LIN52: variants seen among roughly 807,000 people sequenced by gnomAD.
LIN52 encodes protein lin-52 homolog.
LIN52 carries 4 observed loss-of-function variants against 18.5 expected under a neutral mutation model. The ratio of observed to expected loss-of-function variants is 0.22; its 90% CI spans 0.11 to 0.49. The LOEUF (loss-of-function observed/expected upper bound fraction) is 0.49. Ranked by LOEUF, LIN52 falls within the 20% of genes least tolerant of loss-of-function variation. LIN52 has a pLI of 0.97. For synonymous variants in LIN52, 34 were observed against 45.5 expected, an observed-to-expected ratio of 0.75 and a Z score of 1.02; for missense variants, 102 against 139.5, an observed-to-expected ratio of 0.73 and a Z score of 1.35.
At chr14:74,144,846 T>C (rs2061147291) in intron 5 of LIN52, among the ~76,000 whole-genome samples, 1 of 152,228 alleles carries the variant, frequency 6.6e-6, no homozygotes. Context: ...TAATTACAAA[T>C]AGAAATGTTA....
chr14:74,151,660 T>G (rs1163961312), intron 5 of LIN52, among the ~76,000 whole-genome samples: 1 of 152,138 alleles, frequency 6.6e-6, no homozygotes, highest in African/African-American at 2.4e-5. Context: ...GGGTTTTAAT[T>G]TTAAGGAATT....
intron 1 of LIN52, among the ~76,000 whole-genome samples, chr14:74,087,519 C>G (rs554134402): frequency 6.6e-6 from 1 of 151,296 alleles, no homozygotes; most frequent in African/African-American, 2.4e-5. Context: ...TCATCTCTTA[C>G]AAAGTTTCAC....
chr14:74,179,655 C>CA (rs66652238), intron 5 of LIN52, among the ~76,000 whole-genome samples: 51 of 120,376 alleles, frequency 4.2e-4, no homozygotes, highest in East Asian at 1.5e-3. Flanking sequence ...GACTCCATCT[C>CA]AAAAAAAAAA....
intron 5 of LIN52, among the ~76,000 whole-genome samples, chr14:74,177,666 A>G (rs1481648025): frequency 2.0e-5 from 3 of 152,200 alleles, no homozygotes; most frequent in African/African-American, 7.2e-5. Flanking sequence ...GCTAGGATGG[A>G]AAAGAATGAT....
At chr14:74,166,070 T>C (rs1342615310) in intron 5 of LIN52, among the ~76,000 whole-genome samples, 1 of 151,510 alleles carries the variant, frequency 6.6e-6, no homozygotes, top group Non-Finnish European at 1.5e-5. Flanking sequence ...TTTGTATTTT[T>C]ACTGGAGACG....
At chr14:74,116,629 C>T (rs2060966270) in intron 5 of LIN52, among the ~76,000 whole-genome samples, 1 of 150,984 alleles carries the variant, frequency 6.6e-6, no homozygotes, top group South Asian at 2.1e-4. Context: ...TCACTTGAAC[C>T]TGGGAGGTGG....
intron 1 of LIN52, among the ~76,000 whole-genome samples, chr14:74,087,962 A>G (rs1422093930): frequency 6.6e-6 from 1 of 152,154 alleles, no homozygotes; most frequent in Non-Finnish European, 1.5e-5. Context: ...TCTATTGCCC[A>G]TGCTGAAATG....
At chr14:74,109,056 T>C (rs1365991396) in intron 5 of LIN52, among the ~76,000 whole-genome samples, 3 of 152,120 alleles carry the variant, frequency 2.0e-5, no homozygotes, top group Non-Finnish European at 4.4e-5. Context: ...TGATTCATTT[T>C]AAGTTAATTT....
At chr14:74,171,736 CTTTTTTTT>C (rs534860812) in intron 5 of LIN52, among the ~76,000 whole-genome samples, 100 of 122,670 alleles carry the variant, frequency 8.2e-4, no homozygotes, top group Admixed American at 1.1e-3. Context: ...TATTTTAATT[CTTTTTTTT>C]TTTTTTTTTT....
At chr14:74,129,669 A>T (rs1022701325) in intron 5 of LIN52, among the ~76,000 whole-genome samples, 20 of 152,192 alleles carry the variant, frequency 1.3e-4, no homozygotes, top group African/African-American at 4.6e-4. Context: ...CCCAAACAAC[A>T]TAGTGAGAAC....
At chr14:74,160,575 T>C (rs1171320656) in intron 5 of LIN52, among the ~76,000 whole-genome samples, 1 of 152,186 alleles carries the variant, frequency 6.6e-6, no homozygotes, top group Non-Finnish European at 1.5e-5. Context: ...AGGGTTTGCC[T>C]TTTGAAAAAA....
chr14:74,174,370 T>C (rs577372563), intron 5 of LIN52: 1 of 152,352 alleles, frequency 6.6e-6, no homozygotes, highest in African/African-American at 2.4e-5. Context: ...AGTATGTTAC[T>C]GTACTGAATA....
intron 5 of LIN52, among the ~76,000 whole-genome samples, chr14:74,163,930 A>G (rs894488000): frequency 6.6e-6 from 1 of 152,106 alleles, no homozygotes; most frequent in Non-Finnish European, 1.5e-5. Context: ...TTAAAACACA[A>G]TGGTTACTCA....
chr14:74,152,740 T>C (rs1341556209), intron 5 of LIN52, among the ~76,000 whole-genome samples: 1 of 151,922 alleles, frequency 6.6e-6, no homozygotes, highest in Non-Finnish European at 1.5e-5. Context: ...GGCAGGCAGA[T>C]CACAAGGTCA....
At chr14:74,086,348 G>T (rs2060731229) in intron 1 of LIN52, among the ~76,000 whole-genome samples, 2 of 152,002 alleles carry the variant, frequency 1.3e-5, no homozygotes, top group Admixed American at 6.6e-5. Flanking sequence ...GTGAGCGCAG[G>T]TACATACTGT....
At position 74,132,369 on chromosome 14, in the gene LIN52, T is replaced by G. The variant is rs544771609; in HGVS notation, c.283+31131T>G. Among the ~76,000 whole-genome samples the G allele has an allele frequency of 2.6e-5, 4 of 152,354 alleles. No homozygotes were observed. The South Asian group carries it at 8.3e-4, about 32-fold the overall frequency. On this transcript the variant is annotated intron_variant, in intron 5 of 5. Coordinates refer to ENST00000555028, the MANE Select transcript of LIN52 (RefSeq NM_001024674.3). ...TTTATTTCACAGTTCCTGCTGATAC[T>G]GGACACCAGTCTGACACTTAAGACA...
At chr14:74,157,192 C>A (rs897617801) in intron 5 of LIN52, among the ~76,000 whole-genome samples, 1 of 151,786 alleles carries the variant, frequency 6.6e-6, no homozygotes, top group Admixed American at 6.6e-5. Context: ...GCCACCACAC[C>A]CAGCTAATTT....
intron 5 of LIN52, among the ~76,000 whole-genome samples, chr14:74,178,971 C>G (rs940143804): frequency 1.3e-5 from 2 of 151,822 alleles, no homozygotes; most frequent in African/African-American, 4.8e-5. Flanking sequence ...CCTGTAGGCC[C>G]GGCTACTCAG....
chr14:74,129,536 C>T (rs1230647656), intron 5 of LIN52, among the ~76,000 whole-genome samples: 1 of 152,054 alleles, frequency 6.6e-6, no homozygotes, highest in Admixed American at 6.6e-5. Flanking sequence ...TATGTTGGAT[C>T]CCAGACTGCT....
Sources: allele counts gnomAD v4.1 joint callset (sites outside exome capture counted in the v4.1 genomes callset), GRCh38; gene constraint gnomAD v4.1.1; transcripts MANE v1.5; gene names NCBI Gene and HGNC (gene_info 2026-07-23, HGNC 2026-07-21).